The following GRK5 variants were observed in gnomAD, a reference collection of about 807,000 sequenced individuals.
The protein encoded by GRK5 is G protein-coupled receptor kinase 5, also known as g protein-coupled receptor kinase GRK5.
Under a neutral mutation model 78.4 loss-of-function variants are expected in GRK5, and 40 were observed. The observed-to-expected ratio is 0.51, with a 90% CI of 0.40 to 0.66. GRK5 has a LOEUF of 0.66. Ranked by LOEUF, GRK5 falls within the 30% of genes least tolerant of loss-of-function variation. The pLI is 0.00. For synonymous variants in GRK5, 289 were observed against 296.8 expected, an observed-to-expected ratio of 0.97 and a Z score of 0.27; for missense variants, 598 against 759.9, an observed-to-expected ratio of 0.79 and a Z score of 2.50.
At chr10:119,232,575 T>C (rs1487275126) in intron 1 of GRK5, among the ~76,000 whole-genome samples, 1 of 152,138 alleles carries the variant, frequency 6.6e-6, no homozygotes, top group Admixed American at 6.5e-5. Flanking sequence ...AATTGAATCA[T>C]GGGGGGCAGG....
intron 8 of GRK5, among the ~76,000 whole-genome samples, chr10:119,432,893 A>G (rs1335278465): frequency 6.6e-5 from 10 of 152,226 alleles, no homozygotes; most frequent in African/African-American, 2.4e-4. Context: ...CAACATGGCA[A>G]AACCCCATTT....
At chr10:119,438,132 TTAG>T (rs771577798) in intron 9 of GRK5, among the ~76,000 whole-genome samples, 10 of 152,174 alleles carry the variant, frequency 6.6e-5, no homozygotes, top group Non-Finnish European at 1.3e-4. Context: ...GCCATTGTAA[TTAG>T]TAGTAGATCT....
chr10:119,380,791 A>G (rs771842683), intron 2 of GRK5, 24 bp from the exon 3 acceptor site: 1 of 1,471,378 alleles, frequency 6.8e-7, no homozygotes, highest in South Asian at 1.1e-5. Flanking sequence ...GGGTCTCATC[A>G]CATTCTTCTT....
In GRK5 at chr10:119,207,849, G is replaced by T; in HGVS notation, c.-69G>T. On this transcript the variant is annotated 5_prime_UTR_variant, in exon 1 of 16. Transcript: ENST00000392870. ...AGCGGCGGCAGCCCGAGCAGCGGCA[G>T]CAGCAGCGGCAGCACCCCAGGCGCT... The T allele has an allele frequency of 6.9e-7, 1 of 1,445,280 alleles. No individual in the cohort carries two copies. The highest frequency in any genetic ancestry group is 9.4e-7 in the Non-Finnish European group (1 of 1,065,416). 89.5% of individuals were successfully genotyped at this position (1,445,280 alleles called of 1,614,324 possible).
At chr10:119,234,072 G>A (rs184484858) in intron 1 of GRK5, among the ~76,000 whole-genome samples, 2 of 152,304 alleles carry the variant, frequency 1.3e-5, no homozygotes, top group East Asian at 1.9e-4. Flanking sequence ...CTAGGGCTGG[G>A]TGCCACCTCC....
chr10:119,347,828 T>C (rs291966), intron 2 of GRK5, among the ~76,000 whole-genome samples: 152,150 of 152,370 alleles, frequency 1, 75,965 homozygotes, highest in Non-Finnish European at 1. Context: ...GGGACCTGAG[T>C]CTTCCCTGGG....
rs780467929 is a variant in GRK5, at chr10:119,208,019, T to G, written c.52+50T>G. 195 of 1,566,650 alleles carry G rather than the reference T, an allele frequency of 1.2e-4. 1 individual carries two copies. In the South Asian group the frequency reaches 2.1e-3, roughly 17 times the overall value. On this transcript the variant is annotated intron_variant, in intron 1 of 15. Coordinates refer to ENST00000392870, the MANE Select transcript of GRK5 (RefSeq NM_005308.3). ...CCGGCGCGTCCGCCGCGGGCCAGGG[T>G]GCGGGTGTCGGGTGGCGTGCGGGCT... is the stretch of plus-strand genomic sequence containing the variant.
At chr10:119,261,884 C>A (rs1051422196) in intron 1 of GRK5, among the ~76,000 whole-genome samples, 1 of 151,800 alleles carries the variant, frequency 6.6e-6, no homozygotes, top group Non-Finnish European at 1.5e-5. Flanking sequence ...GAGAGGGAGA[C>A]TGTGGAAAGA....
chr10:119,401,182 G>A (rs1056507047), intron 4 of GRK5, among the ~76,000 whole-genome samples: 1 of 152,220 alleles, frequency 6.6e-6, no homozygotes, highest in East Asian at 1.9e-4. Context: ...CTCACATCCT[G>A]AGGTGTCTGC....
At chr10:119,226,241 G>A (rs563518396) in intron 1 of GRK5, among the ~76,000 whole-genome samples, 1 of 150,884 alleles carries the variant, frequency 6.6e-6, no homozygotes, top group Non-Finnish European at 1.5e-5. Flanking sequence ...GCTCCCCAAA[G>A]AGCTGGGATT....
intron 1 of GRK5, among the ~76,000 whole-genome samples, chr10:119,260,660 G>A (rs1461811211): frequency 1.3e-5 from 2 of 151,808 alleles, no homozygotes; most frequent in Non-Finnish European, 2.9e-5. Flanking sequence ...ATCTTGCACC[G>A]CCCTTAATCC....
At chr10:119,371,101 G>A (rs1487273648) in intron 2 of GRK5, among the ~76,000 whole-genome samples, 1 of 152,152 alleles carries the variant, frequency 6.6e-6, no homozygotes, top group Non-Finnish European at 1.5e-5. Context: ...GAAATTGAAC[G>A]TGTGTTTTCC....
At chr10:119,362,211 G>A (rs1851376233) in intron 2 of GRK5, among the ~76,000 whole-genome samples, 1 of 152,224 alleles carries the variant, frequency 6.6e-6, no homozygotes, top group Non-Finnish European at 1.5e-5. Flanking sequence ...CTGGAGGTGT[G>A]CCTGGAGCAT....
chr10:119,208,942 A>C (rs1444416197), intron 1 of GRK5, among the ~76,000 whole-genome samples: 1 of 151,822 alleles, frequency 6.6e-6, no homozygotes, highest in Non-Finnish European at 1.5e-5. Flanking sequence ...TTTGAGCTCT[A>C]GTGTGCGACC....
At chr10:119,449,189 T>TC (rs5788354) in intron 13 of GRK5, among the ~76,000 whole-genome samples, 59,555 of 152,024 alleles carry the variant, frequency 0.39, 11,691 homozygotes, top group South Asian at 0.43. Context: ...TTACAGTAGA[T>TC]CTGGTGGTAG....
At chr10:119,310,919 C>G (rs2133737470) in intron 1 of GRK5, among the ~76,000 whole-genome samples, 1 of 152,260 alleles carries the variant, frequency 6.6e-6, no homozygotes, top group South Asian at 2.1e-4. Context: ...CCCAGCCCTC[C>G]CCGTCTGATG....
chr10:119,333,777 C>T (rs757299219), intron 2 of GRK5: 15 of 532,826 alleles, frequency 2.8e-5, no homozygotes, highest in South Asian at 8.4e-5. Context: ...GGGAGCTGAG[C>T]GGATCGCTGA....
intron 1 of GRK5, among the ~76,000 whole-genome samples, chr10:119,277,850 C>A (rs1482545539): frequency 1.3e-5 from 2 of 152,158 alleles, no homozygotes; most frequent in African/African-American, 2.4e-5. Context: ...ATAGCAAGTA[C>A]CCTTTCTCAT....
At chr10:119,402,027 C>T (rs1852159844) in intron 4 of GRK5, among the ~76,000 whole-genome samples, 1 of 152,168 alleles carries the variant, frequency 6.6e-6, no homozygotes, top group African/African-American at 2.4e-5. Flanking sequence ...TGTGTTGTCC[C>T]ATGGTCAGTG....
Sources: allele counts gnomAD v4.1 joint callset (sites outside exome capture counted in the v4.1 genomes callset), GRCh38; gene constraint gnomAD v4.1.1; transcripts MANE v1.5; gene names NCBI Gene and HGNC (gene_info 2026-07-23, HGNC 2026-07-21).